The following ACBD3 variants were observed in gnomAD, a reference collection of about 807,000 sequenced individuals.
ACBD3 encodes acyl-CoA binding domain containing 3.
ACBD3 carries 30 observed loss-of-function variants against 66.9 expected under a neutral mutation model. The ratio of observed to expected loss-of-function variants is 0.45; its 90% CI spans 0.34 to 0.61. The LOEUF is 0.61. Among genes scored for constraint, ACBD3 ranks in the 20% least tolerant of loss-of-function variants. The pLI, the probability that ACBD3 is intolerant of heterozygous loss-of-function variation, is 0.02. For synonymous variants in ACBD3, 278 were observed against 259.8 expected, an observed-to-expected ratio of 1.07 and a Z score of -0.68; for missense variants, 544 against 664.5, an observed-to-expected ratio of 0.82 and a Z score of 1.99.
intron 1 of ACBD3, among the ~76,000 whole-genome samples, chr1:226,183,714 G>A (rs1361454160): frequency 1.3e-5 from 2 of 151,770 alleles, no homozygotes; most frequent in South Asian, 2.1e-4. Context: ...GAGAAACCCC[G>A]TCTCTACTAG....
intron 1 of ACBD3, among the ~76,000 whole-genome samples, chr1:226,176,463 C>A (rs1366072897): frequency 6.8e-6 from 1 of 147,810 alleles, no homozygotes; most frequent in Non-Finnish European, 1.5e-5. Context: ...TTCAGGTGCT[C>A]TCCAGAAGAA....
intron 3 of ACBD3, among the ~76,000 whole-genome samples, chr1:226,164,357 A>C (rs1659829817): frequency 6.6e-6 from 1 of 152,172 alleles, no homozygotes; most frequent in African/African-American, 2.4e-5. Context: ...GCCAGCTGGA[A>C]GCCAAAGCCA....
At position 226,153,810 on chromosome 1, in the gene ACBD3, C is replaced by T. The variant is rs139321735; in HGVS notation, c.1090+837G>A. 1.4e-3 allele frequency among the ~76,000 whole-genome samples: 214 copies of T among 152,304 alleles called. 1 individual carries two copies. Among genetic ancestry groups the T allele is most frequent in the Non-Finnish European group, 2.5e-3 (167 of 68,020 alleles). On this transcript the variant is annotated intron_variant, in intron 6 of 7. Transcript: ENST00000366812. ...CTCCAAGATGGTCCCCAGAGATTCT[C>T]ACCTCTGGGTCTTCATGCACTTGTG...
In ACBD3 at chr1:226,145,600, T is replaced by C. The variant is rs1478679487; in HGVS notation, c.*1010A>G. On this transcript the variant is annotated 3_prime_UTR_variant, in exon 8 of 8. Coordinates refer to ENST00000366812, the MANE Select transcript of ACBD3 (RefSeq NM_022735.4). ...CATATGTATTTCCAATTCTCCTTAA[T>C]AAGTAATTCCAAACTGGAATAATGT... 1 of 152,632 alleles carries C rather than the reference T, an allele frequency of 6.6e-6. No homozygotes were observed. The highest frequency in any genetic ancestry group is 1.5e-5 in the Non-Finnish European group (1 of 68,020). The allele number at this position is 152,632 out of a possible 1,614,324, so 9.5% of individuals were successfully genotyped here. A position where few individuals can be genotyped will look rare whatever the true frequency, so the allele number is the denominator to read the frequency against.
intron 1 of ACBD3, among the ~76,000 whole-genome samples, chr1:226,172,844 G>C (rs1392759133): frequency 6.6e-6 from 1 of 152,170 alleles, no homozygotes; most frequent in Non-Finnish European, 1.5e-5. Flanking sequence ...TGCGCCTGAA[G>C]TCCAGGCTTC....
chr1:226,178,150 A>T (rs1656088281), intron 1 of ACBD3, among the ~76,000 whole-genome samples: 1 of 152,184 alleles, frequency 6.6e-6, no homozygotes, highest in Non-Finnish European at 1.5e-5. Flanking sequence ...TGGGATGTAC[A>T]TTATGTTCTT....
chr1:226,179,757 C>G (rs908236502), intron 1 of ACBD3, among the ~76,000 whole-genome samples: 3 of 152,058 alleles, frequency 2.0e-5, no homozygotes, highest in Admixed American at 2.0e-4. Flanking sequence ...ACTTGGGAGG[C>G]TGAGGCAGGA....
intron 5 of ACBD3, 154 bp from the exon 6 acceptor site, chr1:226,154,987 T>C: frequency 2.1e-6 from 1 of 466,386 alleles, no homozygotes; most frequent in Non-Finnish European, 3.6e-6. Flanking sequence ...ATCCTGTCTA[T>C]AATGAATATT....
intron 6 of ACBD3, among the ~76,000 whole-genome samples, chr1:226,153,014 G>C (rs1659607211): frequency 6.6e-6 from 1 of 152,214 alleles, no homozygotes; most frequent in Admixed American, 6.5e-5. Context: ...AACAAAGAAA[G>C]CTGGACTTTG....
chr1:226,176,107 G>C (rs1656025567), intron 1 of ACBD3, among the ~76,000 whole-genome samples: 1 of 152,160 alleles, frequency 6.6e-6, no homozygotes, highest in African/African-American at 2.4e-5. Flanking sequence ...GGCTATGGTG[G>C]CTCTGAAGAT....
chr1:226,179,624 G>A lies in ACBD3; in HGVS notation c.286+6766C>T, dbSNP rs182195965. 2.4e-3 allele frequency among the ~76,000 whole-genome samples: 361 copies of A among 152,292 alleles called. 1 individual carries two copies. Among genetic ancestry groups the A allele is most frequent in the Non-Finnish European group, 4.0e-3 (269 of 68,018 alleles). ...TGTAATCCCAGTACTTTGAGAGGCC[G>A]GGTGGGCAGATCACCTGATGTTGGG... On this transcript the variant is annotated intron_variant, in intron 1 of 7. Coordinates refer to ENST00000366812, the MANE Select transcript of ACBD3 (RefSeq NM_022735.4).
At chr1:226,180,351 C>A (rs1380755370) in intron 1 of ACBD3, among the ~76,000 whole-genome samples, 1 of 152,092 alleles carries the variant, frequency 6.6e-6, no homozygotes, top group Non-Finnish European at 1.5e-5. Context: ...ACAACATAAG[C>A]AGCCACAAAA....
At chr1:226,181,617 G>A (rs1173427968) in intron 1 of ACBD3, among the ~76,000 whole-genome samples, 1 of 152,096 alleles carries the variant, frequency 6.6e-6, no homozygotes, top group African/African-American at 2.4e-5. Flanking sequence ...AAGGCCTCTT[G>A]GAGGATTAAA....
intron 4 of ACBD3, among the ~76,000 whole-genome samples, chr1:226,160,206 C>G (rs1045524936): frequency 3.9e-5 from 6 of 151,992 alleles, no homozygotes; most frequent in African/African-American, 1.5e-4. Context: ...ATTCTCCTGC[C>G]TCAGCCTCCC....
chr1:226,163,399 G>A (rs897937277), intron 3 of ACBD3, among the ~76,000 whole-genome samples: 2 of 151,976 alleles, frequency 1.3e-5, no homozygotes, highest in East Asian at 3.8e-4. Flanking sequence ...ATACCTGATT[G>A]ATCCAACATC....
chr1:226,148,149 T>A (rs1224614946), intron 7 of ACBD3: 1 of 152,178 alleles, frequency 6.6e-6, no homozygotes, highest in Non-Finnish European at 1.5e-5. Context: ...CTGGAAAGGA[T>A]CTTGGAACAT....
chr1:226,159,385 A>G, intron 4 of ACBD3, 27 bp from the exon 5 acceptor site: 2 of 1,608,154 alleles, frequency 1.2e-6, no homozygotes, highest in South Asian at 2.2e-5. Context: ...TATATATACT[A>G]GTCTGGCTAC....
At chr1:226,165,390 T>C (rs958155059) in intron 2 of ACBD3, among the ~76,000 whole-genome samples, 3 of 152,038 alleles carry the variant, frequency 2.0e-5, no homozygotes, top group Admixed American at 6.6e-5. Context: ...AGGCTGGTCT[T>C]GAACTCCTGA....
At chr1:226,176,280 G>C (rs570292486) in intron 1 of ACBD3, among the ~76,000 whole-genome samples, 6 of 152,224 alleles carry the variant, frequency 3.9e-5, no homozygotes, top group Non-Finnish European at 8.8e-5. Flanking sequence ...ACACAAATTA[G>C]CTGGGCATGG....
Sources: allele counts gnomAD v4.1 joint callset (sites outside exome capture counted in the v4.1 genomes callset), GRCh38; gene constraint gnomAD v4.1.1; transcripts MANE v1.5; gene names NCBI Gene and HGNC (gene_info 2026-07-23, HGNC 2026-07-21).